PTPRR: variants seen among roughly 807,000 people sequenced by gnomAD.
PTPRR encodes receptor-type tyrosine-protein phosphatase R.
Under a neutral mutation model 77.2 loss-of-function variants are expected in PTPRR, and 38 were observed. The ratio of observed to expected loss-of-function variants is 0.49; its 90% CI spans 0.38 to 0.65. The LOEUF is 0.65. PTPRR is among the 30% of genes least tolerant of loss of function. The pLI is 0.00. For synonymous variants in PTPRR, 299 were observed against 283.1 expected, an observed-to-expected ratio of 1.06 and a Z score of -0.57; for missense variants, 744 against 799.2, an observed-to-expected ratio of 0.93 and a Z score of 0.83.
intron 2 of PTPRR, among the ~76,000 whole-genome samples, chr12:70,784,755 C>T (rs1891287665): frequency 6.6e-6 from 1 of 152,226 alleles, no homozygotes; most frequent in Admixed American, 6.5e-5. Context: ...AGTTTAGTGA[C>T]TTGCTTCTTT....
At chr12:70,682,104 C>T (rs954406698) in intron 10 of PTPRR, among the ~76,000 whole-genome samples, 1 of 130,340 alleles carries the variant, frequency 7.7e-6, no homozygotes, top group Non-Finnish European at 1.5e-5. Flanking sequence ...AGTGCAGTGG[C>T]GCGATCTCGG....
chr12:70,809,750 G>A (rs1418692456), intron 2 of PTPRR, among the ~76,000 whole-genome samples: 5 of 152,116 alleles, frequency 3.3e-5, no homozygotes, highest in African/African-American at 1.2e-4. Context: ...ATGCTAAATT[G>A]ATTGAATATG....
At chr12:70,789,441 A>G (rs2137008223) in intron 2 of PTPRR, among the ~76,000 whole-genome samples, 1 of 152,170 alleles carries the variant, frequency 6.6e-6, no homozygotes, top group African/African-American at 2.4e-5. Flanking sequence ...TAATTTTTAT[A>G]TTGATTGGCA....
At chr12:70,658,954 A>G (rs1020228750) in intron 12 of PTPRR, among the ~76,000 whole-genome samples, 3 of 140,562 alleles carry the variant, frequency 2.1e-5, no homozygotes, top group African/African-American at 8.2e-5. Flanking sequence ...GGCTGCTGAA[A>G]TACAGTGGCG....
chr12:70,825,606 C>G (rs1299297087), intron 2 of PTPRR, among the ~76,000 whole-genome samples: 1 of 152,198 alleles, frequency 6.6e-6, no homozygotes, highest in Non-Finnish European at 1.5e-5. Flanking sequence ...CTCTATTAGA[C>G]CTCCTCAAGG....
rs556550638 is a variant in PTPRR, at chr12:70,650,641, G to A, written c.1880+6063C>T. 1.1e-4 allele frequency among the ~76,000 whole-genome samples: 16 copies of A among 152,208 alleles called. No homozygotes were observed. In the South Asian group the frequency reaches 3.3e-3, roughly 32 times the overall value. On this transcript the variant is annotated intron_variant, in intron 13 of 13. Transcript: ENST00000283228. ...GACACCCATTTTTCTACACCCAGGT[G>A]CCTGATTCATGCTCAGTAGCAGATG...
chr12:70,815,690 GT>G (rs1227876977), intron 2 of PTPRR, among the ~76,000 whole-genome samples: 24 of 152,240 alleles, frequency 1.6e-4, no homozygotes, highest in African/African-American at 5.5e-4. Flanking sequence ...AAGCATTTAG[GT>G]TGTTACTTCT....
intron 5 of PTPRR, among the ~76,000 whole-genome samples, chr12:70,748,815 T>C (rs1247189839): frequency 1.3e-5 from 2 of 152,188 alleles, no homozygotes; most frequent in Non-Finnish European, 2.9e-5. Context: ...TTACAATTAG[T>C]TCTGAAAGAG....
intron 6 of PTPRR, among the ~76,000 whole-genome samples, chr12:70,715,436 G>A (rs941240862): frequency 6.6e-6 from 1 of 152,178 alleles, no homozygotes; most frequent in African/African-American, 2.4e-5. Context: ...ATCTTATCAG[G>A]AGACAGGGTT....
At chr12:70,838,423 A>C (rs1344754785) in intron 2 of PTPRR, among the ~76,000 whole-genome samples, 1 of 152,194 alleles carries the variant, frequency 6.6e-6, no homozygotes, top group Non-Finnish European at 1.5e-5. Context: ...TGCTGATGTC[A>C]TTCTTTCCTA....
chr12:70,794,353 G>C (rs1425789350), intron 2 of PTPRR, among the ~76,000 whole-genome samples: 2 of 152,132 alleles, frequency 1.3e-5, no homozygotes, highest in Non-Finnish European at 2.9e-5. Flanking sequence ...ATAGTGATGT[G>C]TCTATTTACA....
intron 2 of PTPRR, among the ~76,000 whole-genome samples, chr12:70,797,531 C>T (rs1387003564): frequency 6.6e-6 from 1 of 152,166 alleles, no homozygotes; most frequent in Non-Finnish European, 1.5e-5. Context: ...AAATCATCTA[C>T]AGTTTCTGCC....
intron 2 of PTPRR, among the ~76,000 whole-genome samples, chr12:70,765,531 C>T (rs939321556): frequency 6.6e-6 from 1 of 152,218 alleles, no homozygotes; most frequent in South Asian, 2.1e-4. Context: ...GTGGAGCCCA[C>T]CACAGCTCAA....
intron 5 of PTPRR, among the ~76,000 whole-genome samples, chr12:70,748,445 T>TA (rs1436037771): frequency 2.6e-5 from 4 of 152,210 alleles, no homozygotes; most frequent in African/African-American, 9.6e-5. Flanking sequence ...AAACTCAACC[T>TA]AAAAGCTTAC....
At chr12:70,893,117 T>C (rs1893367897) in intron 1 of PTPRR, 140 bp from the exon 2 acceptor site, 1 of 930,178 alleles carries the variant, frequency 1.1e-6, no homozygotes, top group South Asian at 1.8e-5. Context: ...TATTTCTTTG[T>C]CTGCTTCATG....
intron 2 of PTPRR, among the ~76,000 whole-genome samples, chr12:70,792,980 G>T (rs1421893878): frequency 6.6e-6 from 1 of 152,138 alleles, no homozygotes; most frequent in Non-Finnish European, 1.5e-5. Context: ...AATCATTAAT[G>T]ATCTACTAAA....
At chr12:70,692,119 C>A (rs1325045167) in intron 8 of PTPRR, among the ~76,000 whole-genome samples, 2 of 152,112 alleles carry the variant, frequency 1.3e-5, no homozygotes, top group South Asian at 4.1e-4. Flanking sequence ...GAACCATATT[C>A]TTTTTACTGC....
chr12:70,736,541 C>A (rs1398600), intron 6 of PTPRR, among the ~76,000 whole-genome samples: 31,885 of 151,942 alleles, frequency 0.21, 3,635 homozygotes, highest in East Asian at 0.43. Context: ...TACTGACTTA[C>A]TATTAAGTTA....
rs1885828844 is a variant in PTPRR at position 70,638,229 on chromosome 12, G to A, written c.*955C>T. 1.3e-5 allele frequency: 2 copies of A among 152,414 alleles called. No individual in the cohort carries two copies. The highest frequency in any genetic ancestry group is 6.6e-5 in the Admixed American group (1 of 15,258). The allele number at this position is 152,414 out of a possible 1,614,324, so 9.4% of individuals were successfully genotyped here. A position where few individuals can be genotyped will look rare whatever the true frequency, so the allele number is the denominator to read the frequency against. On this transcript the variant is annotated 3_prime_UTR_variant, in exon 14 of 14. Transcript: ENST00000283228. ...GATTGAAAGCTTTCAGAAATGTAAG[G>A]ACATACATGGAAATGTCCTTATAAG...
Sources: allele counts gnomAD v4.1 joint callset (sites outside exome capture counted in the v4.1 genomes callset), GRCh38; gene constraint gnomAD v4.1.1; transcripts MANE v1.5; gene names NCBI Gene and HGNC (gene_info 2026-07-23, HGNC 2026-07-21).